CUX2: variants seen among roughly 807,000 people sequenced by gnomAD.
CUX2 encodes the protein homeobox protein cut-like 2.
CUX2 carries 40 observed loss-of-function variants against 144.8 expected under a neutral mutation model. That is an observed-to-expected ratio of 0.28 (90% confidence interval 0.21 to 0.36). The LOEUF is 0.36. Ranked by LOEUF, CUX2 falls within the 10% of genes least tolerant of loss-of-function variation. The probability of loss-of-function intolerance (pLI) is 1.00; values close to 1 mark genes in which losing one functional copy is unlikely to be tolerated. For synonymous variants in CUX2, 827 were observed against 875.6 expected (o/e 0.94, Z 0.98); for missense variants, 1,615 against 1,994.0 (o/e 0.81, Z 3.62).
chr12:111,195,904 A>G (rs1880211898), intron 1 of CUX2, among the ~76,000 whole-genome samples: 1 of 152,176 alleles, frequency 6.6e-6, no homozygotes, highest in African/African-American at 2.4e-5. Context: ...TTATACATGT[A>G]CAACACAATC....
At chr12:111,058,120 T>TA (rs976105210) in intron 1 of CUX2, among the ~76,000 whole-genome samples, 3 of 152,244 alleles carry the variant, frequency 2.0e-5, no homozygotes, top group South Asian at 4.1e-4. Flanking sequence ...ATTCCATAAT[T>TA]AAAAAAAATG....
At position 111,134,612 on chromosome 12, in the gene CUX2, C is replaced by G. The variant is rs1346932803; in HGVS notation, c.64-79588C>G. Among the ~76,000 whole-genome samples, 871 of 143,812 alleles carry G rather than the reference C, an allele frequency of 6.1e-3. 6 individuals are homozygous for G. The highest frequency in any genetic ancestry group is 0.024 in the African/African-American group (820 of 33,874). The allele number at this position is 143,812 out of a possible 152,430, so 94.3% of individuals were successfully genotyped here. A position where few individuals can be genotyped will look rare whatever the true frequency, so the allele number is the denominator to read the frequency against. Reference sequence around the variant, plus strand: ...GATCTCTTTCTCTCTCTCTCTCTCTCTCTCTCTCTGTGTGTGTGTGTGTGT... The same window carrying G: ...GATCTCTTTCTCTCTCTCTCTCTCTGTCTCTCTCTGTGTGTGTGTGTGTGT... On this transcript the variant is annotated intron_variant, in intron 1 of 21. Coordinates refer to ENST00000261726, the MANE Select transcript of CUX2 (RefSeq NM_015267.4).
chr12:111,176,374 G>GGGATC (rs1339292839), intron 1 of CUX2, among the ~76,000 whole-genome samples: 1 of 152,054 alleles, frequency 6.6e-6, no homozygotes, highest in Admixed American at 6.6e-5. Context: ...AATGAGCTTG[G>GGGATC]GGATCGGGGA....
chr12:111,044,819 C>T (rs1869920044), intron 1 of CUX2, among the ~76,000 whole-genome samples: 1 of 152,142 alleles, frequency 6.6e-6, no homozygotes, highest in South Asian at 2.1e-4. Flanking sequence ...GCTGCTACAC[C>T]CCTCACTGGC....
Position 111,304,028 on chromosome 12 carries a change from C to A in CUX2, c.754-182C>A, listed in dbSNP as rs1886451089. On this transcript the variant is annotated intron_variant, in intron 9 of 21. Coordinates refer to ENST00000261726, the MANE Select transcript of CUX2 (RefSeq NM_015267.4). The surrounding 1 kb of genome is among the most constrained non-coding windows in gnomAD (Gnocchi z 4.7). ...ACCCCAGAGGCTGCTATTTCTTGTC[C>A]CCAGCCCAGACAGGGCTCTGTGACT... 1 of 566,972 alleles carries A rather than the reference C, an allele frequency of 1.8e-6. No homozygotes were observed. Among genetic ancestry groups the A allele is most frequent in the Non-Finnish European group, 3.2e-6 (1 of 316,392 alleles). 35.1% of individuals were successfully genotyped at this position (566,972 alleles called of 1,614,324 possible).
chr12:111,279,137 A>G (rs1885009825), intron 4 of CUX2, among the ~76,000 whole-genome samples: 2 of 152,226 alleles, frequency 1.3e-5, no homozygotes. Flanking sequence ...CTGAACCCAC[A>G]GCCCAGTTCC....
At chr12:111,213,588 A>C (rs899676296) in intron 1 of CUX2, among the ~76,000 whole-genome samples, 1 of 152,210 alleles carries the variant, frequency 6.6e-6, no homozygotes, top group African/African-American at 2.4e-5. Context: ...GTGAACCTTA[A>C]ATGATTTACT....
intron 1 of CUX2, among the ~76,000 whole-genome samples, chr12:111,063,500 G>A (rs528761613): frequency 2.0e-5 from 3 of 152,322 alleles, no homozygotes; most frequent in East Asian, 3.9e-4. Flanking sequence ...TTGGGACATC[G>A]CGAGGCGGCA....
intron 1 of CUX2, among the ~76,000 whole-genome samples, chr12:111,097,063 T>C (rs1020415163): frequency 2.0e-5 from 3 of 152,182 alleles, no homozygotes; most frequent in Admixed American, 2.0e-4. Flanking sequence ...TAAAAAGGAT[T>C]AAATCCTAAA....
chr12:111,271,001 C>T (rs1884619688), intron 4 of CUX2, among the ~76,000 whole-genome samples: 1 of 152,130 alleles, frequency 6.6e-6, no homozygotes, highest in South Asian at 2.1e-4. Context: ...CAGGGGTGGA[C>T]GTGAGGATTC....
chr12:111,334,376 T>C, intron 18 of CUX2, 65 bp from the exon 19 acceptor site: 2 of 1,500,798 alleles, frequency 1.3e-6, no homozygotes, highest in Non-Finnish European at 1.8e-6. Flanking sequence ...GAAGCAAGCC[T>C]CCCGAAAGTG....
chr12:111,146,737 C>T (rs142946939), intron 1 of CUX2, among the ~76,000 whole-genome samples: 7 of 152,210 alleles, frequency 4.6e-5, no homozygotes, highest in Admixed American at 6.5e-5. Flanking sequence ...AGTCAGACCC[C>T]GTAGGTTTAA....
chr12:111,040,857 A>C (rs1334238555), intron 1 of CUX2, among the ~76,000 whole-genome samples: 1 of 152,060 alleles, frequency 6.6e-6, no homozygotes, highest in Admixed American at 6.5e-5. Context: ...TTCCAATAAA[A>C]CTTTATTTAT....
intron 1 of CUX2, among the ~76,000 whole-genome samples, chr12:111,193,095 T>C (rs767162482): frequency 2.6e-5 from 4 of 151,848 alleles, no homozygotes; most frequent in African/African-American, 9.7e-5. Context: ...GTGAATGGAG[T>C]GTGAGCCAAG....
Position 111,315,380 on chromosome 12 carries a change from T to C in CUX2, c.2002+3179T>C, listed in dbSNP as rs576121189. 2.6e-5 allele frequency among the ~76,000 whole-genome samples: 4 copies of C among 152,338 alleles called. No homozygotes were observed. In the South Asian group the frequency reaches 6.2e-4, roughly 24 times the overall value. ...TGGTAAGTAAAGCAGATAATATCCC[T>C]TTAGCAGCATGTGCAGCCCTTAAAG... On this transcript the variant is annotated intron_variant, in intron 16 of 21. Coordinates refer to ENST00000261726, the MANE Select transcript of CUX2 (RefSeq NM_015267.4).
At chr12:111,249,437 C>CTTTTTT (rs1359905002) in intron 3 of CUX2, among the ~76,000 whole-genome samples, 6 of 101,202 alleles carry the variant, frequency 5.9e-5, no homozygotes, top group African/African-American at 1.1e-4. Flanking sequence ...TTAATAGACC[C>CTTTTTT]TTTTTTTGTT....
In CUX2 at chr12:111,341,988, C is replaced by T. The variant is rs16941414; in HGVS notation, c.3594C>T (p.Ile1198=). The change falls in exon 21 of 22, where the codon ATC becomes ATT. Residue 1198 remains isoleucine (I), a synonymous_variant. Transcript: ENST00000261726. ...AACCCTACCCCTCGCAGCAGACCAT[C>T]GAGCTCCTCTCCTTCCAGCTCAACC... is the stretch of plus-strand genomic sequence containing the variant. ...QLEPYPSQQT[I]ELLSFQLNLK... 72,434 of 1,614,030 alleles carry T rather than the reference C, an allele frequency of 0.045. 3,551 individuals carry two copies. Among genetic ancestry groups the T allele is most frequent in the South Asian group, 0.19 (17,751 of 91,056 alleles).
chr12:111,111,306 G>GAA (rs142051499), intron 1 of CUX2, among the ~76,000 whole-genome samples: 3 of 146,474 alleles, frequency 2.0e-5, no homozygotes, highest in African/African-American at 5.0e-5. Context: ...TGTCTCAAAA[G>GAA]AAAAAAAAAA....
intron 3 of CUX2, among the ~76,000 whole-genome samples, chr12:111,235,307 C>G (rs180859492): frequency 1.2e-4 from 19 of 152,196 alleles, no homozygotes; most frequent in Admixed American, 4.6e-4. Context: ...GGAGGTACCA[C>G]AGAAGCTTTT....
Sources: allele counts gnomAD v4.1 joint callset (sites outside exome capture counted in the v4.1 genomes callset), GRCh38; gene constraint gnomAD v4.1.1; non-coding constraint Gnocchi (gnomAD v3.1); transcripts MANE v1.5; gene names NCBI Gene and HGNC (gene_info 2026-07-23, HGNC 2026-07-21).